Variants in TTC39B observed in about 807,000 individuals in gnomAD.
TTC39B encodes tetratricopeptide repeat protein 39B.
A neutral mutation model predicts 96.6 loss-of-function variants in TTC39B; 92 were observed. That is an observed-to-expected ratio of 0.95 (90% confidence interval 0.80 to 1.13). The LOEUF (loss-of-function observed/expected upper bound fraction) is 1.13. Among genes scored for constraint, TTC39B ranks in the 50% most tolerant of loss-of-function variants. The pLI, the probability that TTC39B is intolerant of heterozygous loss-of-function variation, is 0.00. For synonymous variants in TTC39B, 367 were observed against 299.4 expected, an observed-to-expected ratio of 1.23 and a Z score of -2.33; for missense variants, 955 against 809.3, an observed-to-expected ratio of 1.18 and a Z score of -2.18.
chr9:15,263,240 T>C (rs1489148259), intron 2 of TTC39B, among the ~76,000 whole-genome samples: 1 of 152,210 alleles, frequency 6.6e-6, no homozygotes, highest in Non-Finnish European at 1.5e-5. Context: ...ACCCACACTC[T>C]TACAAGGGAG....
Position 15,281,625 on chromosome 9 carries a change from C to CAAAAAAAAAAAAAAA in TTC39B, c.241-13692_241-13678dup, listed in dbSNP as rs1161175672. Among the ~76,000 whole-genome samples the CAAAAAAAAAAAAAAA allele has an allele frequency of 6.1e-4, 30 of 48,986 alleles. 1 individual carries two copies. The highest frequency in any genetic ancestry group is 2.6e-3 in the African/African-American group (27 of 10,498). 32.1% of individuals were successfully genotyped at this position (48,986 alleles called of 152,430 possible). A position where few individuals can be genotyped will look rare whatever the true frequency, so the allele number is the denominator to read the frequency against. On this transcript the variant is annotated intron_variant, in intron 1 of 19. Transcript: ENST00000512701. Reference sequence around the variant, plus strand: ...CCTACCAACATCCCCCCTGCAACAGCAAAAAAAAAAAAAAAAAAAAAAAAA... The same window carrying CAAAAAAAAAAAAAAA: ...CCTACCAACATCCCCCCTGCAACAGCAAAAAAAAAAAAAAAAAAAAAAAAAAAAAAAAAAAAAAAA...
At chr9:15,293,230 G>C (rs1466881363) in intron 1 of TTC39B, among the ~76,000 whole-genome samples, 1 of 152,158 alleles carries the variant, frequency 6.6e-6, no homozygotes, top group Admixed American at 6.5e-5. Flanking sequence ...CCATGCCAGA[G>C]AGCCTAGGTG....
intron 2 of TTC39B, among the ~76,000 whole-genome samples, chr9:15,230,916 C>T (rs970098462): frequency 5.9e-5 from 9 of 151,284 alleles, no homozygotes; most frequent in Middle Eastern, 3.4e-3. Flanking sequence ...ACCCGGGAGG[C>T]GGAGGTTGCA....
At chr9:15,253,179 T>C (rs1026846024) in intron 2 of TTC39B, among the ~76,000 whole-genome samples, 1 of 152,202 alleles carries the variant, frequency 6.6e-6, no homozygotes, top group Non-Finnish European at 1.5e-5. Flanking sequence ...GTACCTTATA[T>C]GACAAAAGAG....
intron 2 of TTC39B, among the ~76,000 whole-genome samples, chr9:15,242,356 C>G (rs147820665): frequency 6.6e-6 from 1 of 152,002 alleles, no homozygotes; most frequent in South Asian, 2.1e-4. Context: ...CCAAGGCAGG[C>G]GGATCACTTG....
intron 2 of TTC39B, chr9:15,249,790 G>A (rs887706165): frequency 8.6e-5 from 60 of 698,920 alleles, no homozygotes; most frequent in Admixed American, 1.5e-4. Flanking sequence ...AAAAACTGCA[G>A]GTTCCAGTGA....
exon 4 of TTC39B, chr9:15,214,187 A>G: frequency 6.2e-7 from 1 of 1,614,110 alleles, no homozygotes; most frequent in Non-Finnish European, 8.5e-7. Context: ...GCTTAGAAAT[A>G]AGTTCAATGC....
intron 1 of TTC39B, among the ~76,000 whole-genome samples, chr9:15,293,752 A>C (rs998739850): frequency 4.7e-4 from 72 of 152,212 alleles, no homozygotes; most frequent in Admixed American, 1.2e-3. Flanking sequence ...TTTGGCCTAA[A>C]GGTTTCTCTG....
intron 2 of TTC39B, among the ~76,000 whole-genome samples, chr9:15,252,623 G>A (rs1420326732): frequency 6.6e-6 from 1 of 152,010 alleles, no homozygotes; most frequent in Non-Finnish European, 1.5e-5. Flanking sequence ...ACTCCAGCGT[G>A]GGCAACAAGA....
intron 17 of TTC39B, among the ~76,000 whole-genome samples, chr9:15,180,893 A>C (rs1312484710): frequency 1.3e-5 from 2 of 152,220 alleles, no homozygotes. Flanking sequence ...TCACCCAGAG[A>C]GAGGACACAC....
intron 16 of TTC39B, among the ~76,000 whole-genome samples, chr9:15,185,049 T>A (rs1370695155): frequency 6.6e-6 from 1 of 152,230 alleles, no homozygotes; most frequent in Non-Finnish European, 1.5e-5. Context: ...AAGAATAAAA[T>A]GATACGTTTT....
chr9:15,232,560 C>G (rs1475100650), intron 2 of TTC39B: 1 of 152,194 alleles, frequency 6.6e-6, no homozygotes, highest in Non-Finnish European at 1.5e-5. Context: ...ATAAATAATT[C>G]AGAGTATGGA....
intron 2 of TTC39B, among the ~76,000 whole-genome samples, chr9:15,231,837 G>T (rs984486616): frequency 1.3e-5 from 2 of 152,216 alleles, no homozygotes; most frequent in Non-Finnish European, 2.9e-5. Context: ...CTCCTTAGGG[G>T]AGAAAAGGAA....
intron 2 of TTC39B, among the ~76,000 whole-genome samples, chr9:15,231,738 T>C (rs16932852): frequency 0.035 from 5,314 of 150,738 alleles, 295 homozygotes; most frequent in African/African-American, 0.12. Flanking sequence ...CGCAATGAGA[T>C]AAAAGCTAGT....
rs1481044729 is a variant in TTC39B, at chr9:15,227,758, AAC to A, written c.276-1748_276-1747del. Among the ~76,000 whole-genome samples the A allele has an allele frequency of 7.2e-5, 11 of 152,306 alleles. 1 individual carries two copies. Among genetic ancestry groups the A allele is most frequent in the Middle Eastern group, 6.8e-3 (2 of 294 alleles). On this transcript the variant is annotated intron_variant, in intron 2 of 19. Transcript: ENST00000512701. The stretch of plus-strand genomic sequence containing the variant: ...TACAGACTCATTTTCGAGGGCTAGA[AAC>A]ACACAGTCTCTGAAATGTACTGTTA...
chr9:15,239,610 C>T (rs755996412), intron 2 of TTC39B, among the ~76,000 whole-genome samples: 4 of 152,102 alleles, frequency 2.6e-5, no homozygotes, highest in South Asian at 2.1e-4. Flanking sequence ...ATCATCTTTG[C>T]GGCAACTTGA....
At chr9:15,201,035 C>T (rs1057302659) in intron 7 of TTC39B, among the ~76,000 whole-genome samples, 2 of 152,052 alleles carry the variant, frequency 1.3e-5, no homozygotes, top group African/African-American at 4.8e-5. Flanking sequence ...GAAAGATGCT[C>T]TGATATGTAT....
exon 20 of TTC39B, chr9:15,171,605 T>G (rs765561685): frequency 2.0e-5 from 3 of 153,278 alleles, no homozygotes; most frequent in Non-Finnish European, 4.4e-5. Context: ...GAAATTTAAA[T>G]ACAGGCAACA....
intron 2 of TTC39B, among the ~76,000 whole-genome samples, chr9:15,255,092 G>C (rs1256177863): frequency 6.6e-6 from 1 of 151,726 alleles, no homozygotes; most frequent in African/African-American, 2.4e-5. Flanking sequence ...AATTTTAAAA[G>C]ACCGCTGCTG....
Sources: gnomAD v4.1 joint callset for allele counts (sites outside exome capture counted in the v4.1 genomes callset) on GRCh38, gnomAD v4.1.1 for gene constraint, MANE v1.5 for transcripts, NCBI Gene and HGNC (gene_info 2026-07-23, HGNC 2026-07-21) for gene names.